The following OR10G7 variants were observed in gnomAD, a reference collection of about 807,000 sequenced individuals.
OR10G7 encodes the protein olfactory receptor family 10 subfamily G member 7.
For missense variants in OR10G7, 338 were observed against 382.1 expected, an observed-to-expected ratio of 0.88 and a Z score of 0.96; for synonymous variants, 165 against 167.4, an observed-to-expected ratio of 0.99 and a Z score of 0.11.
intron 1 of OR10G7, among the ~76,000 whole-genome samples, chr11:124,039,887 C>A (rs1336978344): frequency 3.3e-5 from 5 of 152,080 alleles, no homozygotes; most frequent in African/African-American, 1.2e-4. Context: ...TAACTAAGAT[C>A]CTCCCCCTCC....
rs144312307 is a variant in OR10G7 at position 124,040,475 on chromosome 11, G to A, written c.-21+411C>T. On this transcript the variant is annotated intron_variant, in intron 1 of 1. Coordinates refer to ENST00000641585, the MANE Select transcript of OR10G7 (RefSeq NM_001004463.2). ...AATTTATGAAGAAATATAAGGAAACGTGGTTGAAGACCTGGACCTCTCTGA... is the reference window on the plus strand; with the variant it reads ...AATTTATGAAGAAATATAAGGAAACATGGTTGAAGACCTGGACCTCTCTGA... 5.3e-5 allele frequency among the ~76,000 whole-genome samples: 8 copies of A among 152,022 alleles called. No individual in the cohort carries two copies. In the South Asian group the frequency reaches 1.2e-3, roughly 24 times the overall value.
chr11:124,039,101 T>C, intron 1 of OR10G7, 80 bp from the exon 2 acceptor site: 1 of 1,335,728 alleles, frequency 7.5e-7, no homozygotes, highest in Non-Finnish European at 1.0e-6. Context: ...ATTTTTCTGA[T>C]TAAGAACAAT....
rs371534846 is a variant in OR10G7 at position 124,038,049 on chromosome 11, T to G, written c.*17A>C. The G allele has an allele frequency of 6.5e-7, 1 of 1,544,150 alleles. No individual in the cohort carries two copies. The highest frequency in any genetic ancestry group is 1.4e-5 in the African/African-American group (1 of 71,972). On this transcript the variant is annotated 3_prime_UTR_variant, in exon 2 of 2. Transcript: ENST00000641585. ...CAAATAAAAAAAGAAAAGTTAGCCATATATGGCCTTTCTTAACTATTCACC... is the reference window on the plus strand; with the variant it reads ...CAAATAAAAAAAGAAAAGTTAGCCAGATATGGCCTTTCTTAACTATTCACC...
rs4998340 is a variant in OR10G7 at position 124,038,946 on chromosome 11, G to T, written c.56C>A (p.Pro19Gln). 436,179 of 1,599,348 alleles carry T rather than the reference G, an allele frequency of 0.27. 24,222 individuals are homozygous for T. The highest frequency in any genetic ancestry group is 0.36 in the East Asian group (16,146 of 44,620). ...TCCAAAGAGGGGGGCGTCCAGCCCT[G>T]GGGCATGGGGAAGGCCCGTGAGGAT... ...AFILTGLPHA[P>Q]GLDAPLFGIF... The change falls in exon 2 of 2, where the codon CCA becomes CAA. Residue 19 changes from proline (P) to glutamine (Q), a missense_variant. Transcript: ENST00000641585.
rs776252261 is a variant in OR10G7 at position 124,038,404 on chromosome 11, C to A, written c.598G>T (p.Val200Leu). The change falls in exon 2 of 2, where the codon GTG (valine) becomes TTG (leucine). Residue 200 changes from valine (V) to leucine (L), a missense_variant. Val to Leu is a conservative substitution (Grantham distance 32). Coordinates refer to ENST00000641585, the MANE Select transcript of OR10G7 (RefSeq NM_001004463.2). ...DTSANEMVIF[V>L]NIGLVASGCF... ...CCCGAGGCCACTAGCCCAATATTCA[C>A]AAAGATGACCATCTCGTTGGCTGAG... is the stretch of plus-strand genomic sequence containing the variant. 1.1e-4 allele frequency: 178 copies of A among 1,614,036 alleles called. 2 individuals are homozygous for A. In the African/African-American group the frequency reaches 2.1e-3, roughly 19 times the overall value.
At chr11:124,039,925 T>C (rs772043290) in intron 1 of OR10G7, among the ~76,000 whole-genome samples, 43 of 151,792 alleles carry the variant, frequency 2.8e-4, no homozygotes, top group Non-Finnish European at 4.7e-4. Flanking sequence ...CTGGTCCATG[T>C]AAAAATTGTC....
Position 124,040,979 on chromosome 11 carries a change from C to G in OR10G7, c.-114G>C, listed in dbSNP as rs1565597511. ...AAGTGGTATAATTTTTCTTTTCTTG[C>G]AAAGATGAAACCACAGAAGAAACTC... On this transcript the variant is annotated 5_prime_UTR_variant, in exon 1 of 2. Transcript: ENST00000641585. 1 of 152,026 alleles carries G rather than the reference C, an allele frequency of 6.6e-6. No homozygotes were observed. Among genetic ancestry groups the G allele is most frequent in the Non-Finnish European group, 1.5e-5 (1 of 68,014 alleles). 9.4% of individuals were successfully genotyped at this position (152,026 alleles called of 1,614,324 possible).
In OR10G7 at chr11:124,038,228, G is replaced by A. The variant is rs1478826318; in HGVS notation, c.774C>T (p.Tyr258=). Residue 258 remains tyrosine (Y), a synonymous_variant, in exon 2 of 2, where the codon TAC becomes TAT. Transcript: ENST00000641585. Reference sequence around the variant, plus strand: ...AGGCGTCCCTGGAGCCTGGCCTCAGGTAAATGAAAAGACCAGGGCCAAAGA... The same window carrying A: ...AGGCGTCCCTGGAGCCTGGCCTCAGATAAATGAAAAGACCAGGGCCAAAGA... ...LCFFGPGLFI[Y]LRPGSRDALH... The A allele has an allele frequency of 1.2e-6, 2 of 1,613,940 alleles. No individual in the cohort carries two copies. The highest frequency in any genetic ancestry group is 1.7e-6 in the Non-Finnish European group (2 of 1,180,044).
In OR10G7 at chr11:124,036,841, G is replaced by C. The variant is rs559580155; in HGVS notation, c.*1225C>G. The stretch of plus-strand genomic sequence containing the variant: ...GTATGTTTTTCTTCTCAATATCACC[G>C]CACAGTTTACTTGGAGCAAGATATG... On this transcript the variant is annotated 3_prime_UTR_variant, in exon 2 of 2. Coordinates refer to ENST00000641585, the MANE Select transcript of OR10G7 (RefSeq NM_001004463.2). 1.3e-5 allele frequency: 2 copies of C among 152,100 alleles called. No individual in the cohort carries two copies. Among genetic ancestry groups the C allele is most frequent in the African/African-American group, 4.8e-5 (2 of 41,430 alleles). 9.4% of individuals were successfully genotyped at this position (152,100 alleles called of 1,614,324 possible). A position where few individuals can be genotyped will look rare whatever the true frequency, so the allele number is the denominator to read the frequency against.
rs1309218965 is a variant in OR10G7 at position 124,038,289 on chromosome 11, T to C, written c.713A>G (p.Gln238Arg). 1 of 1,613,994 alleles carries C rather than the reference T, an allele frequency of 6.2e-7. No individual in the cohort carries two copies. Among genetic ancestry groups the C allele is most frequent in the Admixed American group, 1.7e-5 (1 of 60,002 alleles). ...CACGATACAGTGGGAGGCACAGGTC[T>C]GAAAGGCTCTGTGCCTCCCCTCTGA... ...RTSEGRHRAF[Q>R]TCASHCIVVL... Residue 238 changes from glutamine to arginine, a missense_variant, in exon 2 of 2, where the codon CAG (glutamine) becomes CGG (arginine). Gln to Arg is a conservative substitution (Grantham distance 43). Coordinates refer to ENST00000641585, the MANE Select transcript of OR10G7 (RefSeq NM_001004463.2).
rs191492347 is a variant in OR10G7, at chr11:124,036,530, C to T, written c.*1536G>A. 6.6e-6 allele frequency: 1 copy of T among 152,268 alleles called. No homozygotes were observed. Among genetic ancestry groups the T allele is most frequent in the Non-Finnish European group, 1.5e-5 (1 of 68,022 alleles). 9.4% of individuals were successfully genotyped at this position (152,268 alleles called of 1,614,324 possible). A position where few individuals can be genotyped will look rare whatever the true frequency, so the allele number is the denominator to read the frequency against. ...CTACTGTTTAGCATGTGACTTAACA[C>T]CCAATAAATATCCCATAACATTTTA... is the stretch of plus-strand genomic sequence containing the variant. On this transcript the variant is annotated 3_prime_UTR_variant, in exon 2 of 2. Transcript: ENST00000641585.
rs756156993 is a variant in OR10G7 at position 124,038,371 on chromosome 11, C to G, written c.631G>C (p.Val211Leu). The stretch of plus-strand genomic sequence containing the variant: ...GACACATAGGACAGCACTATCAGGA[C>G]AAAGCAGCCCGAGGCCACTAGCCCA... ...NIGLVASGCF[V>L]LIVLSYVSIV... Residue 211 changes from valine (V) to leucine (L), a missense_variant, in exon 2 of 2, where the codon GTC becomes CTC. Transcript: ENST00000641585. 88 of 1,614,072 alleles carry G rather than the reference C, an allele frequency of 5.5e-5. 1 individual carries two copies. Among genetic ancestry groups the G allele is most frequent in the Middle Eastern group, 5.0e-4 (3 of 6,060 alleles).
Position 124,037,313 on chromosome 11 carries a change from T to C in OR10G7, c.*753A>G, listed in dbSNP as rs1257098279. 6.6e-6 allele frequency: 1 copy of C among 151,946 alleles called. No individual in the cohort carries two copies. The highest frequency in any genetic ancestry group is 6.6e-5 in the Admixed American group (1 of 15,160). The allele number at this position is 151,946 out of a possible 1,614,324, so 9.4% of individuals were successfully genotyped here. A position where few individuals can be genotyped will look rare whatever the true frequency, so the allele number is the denominator to read the frequency against. ...CTAAGATTATTTGATCATTTTTGTA[T>C]ATTTATTATTTATCCTCTGGTACTT... On this transcript the variant is annotated 3_prime_UTR_variant, in exon 2 of 2. Coordinates refer to ENST00000641585, the MANE Select transcript of OR10G7 (RefSeq NM_001004463.2).
Position 124,038,685 on chromosome 11 carries a change from AG to A in OR10G7, c.316del (p.Leu106TrpfsTer29). ...CVAQLYFFHFLGSTECFLYTV... is the reference protein window; with the variant it reads ...CVAQLYFFHFXGSTECFLYTV... ...GTAGAGGAAACACTCGGTGCTCCCC[AG>A]GAAGTGGAAAAAATAGAGCTGAGCC... On this transcript the variant is annotated frameshift_variant, in exon 2 of 2. Transcript: ENST00000641585. LOFTEE classifies it low-confidence loss of function (END_TRUNC). The A allele has an allele frequency of 1.2e-6, 2 of 1,614,042 alleles. No homozygotes were observed. Among genetic ancestry groups the A allele is most frequent in the Middle Eastern group, 1.6e-4 (1 of 6,062 alleles).
chr11:124,038,056 C>T lies in OR10G7; in HGVS notation c.*10G>A, dbSNP rs1864206049. The T allele has an allele frequency of 1.9e-6, 3 of 1,557,794 alleles. No homozygotes were observed. Among genetic ancestry groups the T allele is most frequent in the East Asian group, 2.3e-5 (1 of 44,352 alleles). On this transcript the variant is annotated 3_prime_UTR_variant, in exon 2 of 2. Coordinates refer to ENST00000641585, the MANE Select transcript of OR10G7 (RefSeq NM_001004463.2). ...AAAAAGAAAAGTTAGCCATATATGGCCTTTCTTAACTATTCACCCTGAGCA... is the reference window on the plus strand; with the variant it reads ...AAAAAGAAAAGTTAGCCATATATGGTCTTTCTTAACTATTCACCCTGAGCA...
At position 124,038,421 on chromosome 11, in the gene OR10G7, T is replaced by A. The variant is rs562656605; in HGVS notation, c.581A>T (p.Asn194Ile). The change falls in exon 2 of 2, where the codon AAC becomes ATC. Residue 194 changes from asparagine (N) to isoleucine (I), a missense_variant. Physicochemically the swap from Asn to Ile is moderately radical, Grantham distance 149. Coordinates refer to ENST00000641585, the MANE Select transcript of OR10G7 (RefSeq NM_001004463.2). ...LKLACADTSANEMVIFVNIGL... is the reference protein window; with the variant it reads ...LKLACADTSAIEMVIFVNIGL... ...AATATTCACAAAGATGACCATCTCG[T>A]TGGCTGAGGTGTCTGCACAGGCCAG... 184 of 1,613,872 alleles carry A rather than the reference T, an allele frequency of 1.1e-4. No individual in the cohort carries two copies. The African/African-American group carries it at 1.9e-3, about 17-fold the overall frequency.
rs1864201289 is a variant in OR10G7 at position 124,037,501 on chromosome 11, A to T, written c.*565T>A. On this transcript the variant is annotated 3_prime_UTR_variant, in exon 2 of 2. Transcript: ENST00000641585. ...TAAATGGACAAATATTTACTCTCAG[A>T]AATCTTTCAGGCCAAAGTAAGAAAA... 6.6e-6 allele frequency: 1 copy of T among 152,232 alleles called. No individual in the cohort carries two copies. The highest frequency in any genetic ancestry group is 1.5e-5 in the Non-Finnish European group (1 of 68,136). 9.4% of individuals were successfully genotyped at this position (152,232 alleles called of 1,614,324 possible).
At chr11:124,040,567 G>T (rs925627309) in intron 1 of OR10G7, among the ~76,000 whole-genome samples, 2 of 151,622 alleles carry the variant, frequency 1.3e-5, no homozygotes, top group Non-Finnish European at 2.9e-5. Context: ...TACATTTTTT[G>T]TGGGGGGGGC....
At chr11:124,040,574 G>T (rs1489466427) in intron 1 of OR10G7, among the ~76,000 whole-genome samples, 1 of 151,854 alleles carries the variant, frequency 6.6e-6, no homozygotes, top group African/African-American at 2.4e-5. Flanking sequence ...TTTGTGGGGG[G>T]GGCTCTGACA....
Sources: gnomAD v4.1 joint callset for allele counts (sites outside exome capture counted in the v4.1 genomes callset) on GRCh38, gnomAD v4.1.1 for gene constraint, MANE v1.5 for transcripts, NCBI Gene and HGNC (gene_info 2026-07-23, HGNC 2026-07-21) for gene names.